Variants in ANKRD28 observed in about 807,000 individuals in gnomAD.
ANKRD28 encodes the protein ankyrin repeat domain 28.
A neutral mutation model predicts 126.5 loss-of-function variants in ANKRD28; 44 were observed. The observed-to-expected ratio is 0.35, with a 90% CI of 0.27 to 0.45. ANKRD28 has a LOEUF of 0.45. Ranked by LOEUF, ANKRD28 falls within the 20% of genes least tolerant of loss-of-function variation. The probability of loss-of-function intolerance (pLI) is 1.00; values close to 1 mark genes in which losing one functional copy is unlikely to be tolerated. For synonymous variants in ANKRD28, 442 were observed against 468.5 expected, an observed-to-expected ratio of 0.94 and a Z score of 0.73; for missense variants, 1,110 against 1,316.6, an observed-to-expected ratio of 0.84 and a Z score of 2.43.
At chr3:15,683,740 A>G (rs958038994) in intron 21 of ANKRD28, 1 of 152,188 alleles carries the variant, frequency 6.6e-6, no homozygotes, top group African/African-American at 2.4e-5. Flanking sequence ...TATCTCAGAA[A>G]TACTTGTGGA....
At chr3:15,743,772 C>G (rs1033869514) in intron 4 of ANKRD28, among the ~76,000 whole-genome samples, 1 of 152,186 alleles carries the variant, frequency 6.6e-6, no homozygotes, top group Non-Finnish European at 1.5e-5. Context: ...AACTATGTCA[C>G]TGAAGGAGAG....
intron 9 of ANKRD28, 102 bp from the exon 10 acceptor site, chr3:15,713,743 A>G (rs917334006): frequency 8.1e-6 from 5 of 613,796 alleles, no homozygotes; most frequent in Non-Finnish European, 1.4e-5. Flanking sequence ...ACAAACTAAT[A>G]GATACAGCAA....
At chr3:15,695,054 A>C in intron 16 of ANKRD28, 134 bp downstream of exon 16, 1 of 803,198 alleles carries the variant, frequency 1.2e-6, no homozygotes, top group Non-Finnish European at 2.1e-6. Flanking sequence ...CTCTGTACAC[A>C]TGATTTCTGT....
chr3:15,849,469 C>G (rs913829309), intron 1 of ANKRD28, among the ~76,000 whole-genome samples: 1 of 152,144 alleles, frequency 6.6e-6, no homozygotes, highest in African/African-American at 2.4e-5. Flanking sequence ...GAGTTGAAAA[C>G]ATTAGAGAAA....
rs114713289 is a variant in ANKRD28 at position 15,809,526 on chromosome 3, C to T, written c.28-14220G>A. Among the ~76,000 whole-genome samples the T allele has an allele frequency of 5.9e-3, 895 of 152,272 alleles. 6 individuals carry two copies. Among genetic ancestry groups the T allele is most frequent in the African/African-American group, 0.02 (850 of 41,560 alleles). On this transcript the variant is annotated intron_variant, in intron 1 of 27. Transcript: ENST00000399451. ...TCAGGACTTCACTTTCCTGCCAAGG[C>T]TATCAGAGAAAAATACTCTCTTTTC...
At chr3:15,775,172 C>T (rs894735045) in intron 2 of ANKRD28, among the ~76,000 whole-genome samples, 15 of 152,310 alleles carry the variant, frequency 9.8e-5, no homozygotes, top group African/African-American at 1.4e-4. Context: ...CCACTGTGCC[C>T]GGCCCAGGAG....
Position 15,795,410 on chromosome 3 carries a change from T to C in ANKRD28, c.118-104A>G, listed in dbSNP as rs956453794. 3 of 722,012 alleles carry C rather than the reference T, an allele frequency of 4.2e-6. No individual in the cohort carries two copies. The African/African-American group carries it at 5.4e-5, about 13-fold the overall frequency. The allele number at this position is 722,012 out of a possible 1,614,324, so 44.7% of individuals were successfully genotyped here. On this transcript the variant is annotated intron_variant, in intron 1 of 27. Coordinates refer to ENST00000683139, the MANE Select transcript of ANKRD28 (RefSeq NM_001349278.2). The stretch of plus-strand genomic sequence containing the variant: ...CTACAAGTTTTCTTCCCTGTAGCAA[T>C]AATCACTTTTGACATTAGCCAGAAG...
At position 15,854,462 on chromosome 3, in the gene ANKRD28, G is replaced by A. The variant is rs2061718857; in HGVS notation, c.27+4915C>T. On this transcript the variant is annotated intron_variant, in intron 1 of 27. Coordinates refer to the ANKRD28 transcript ENST00000399451. This position sits in a 1 kb window ranked among gnomAD's most constrained non-coding sequence, Gnocchi z 4.1. ...CCCTCCACTTACAATCAGATTATCT[G>A]ATCCTTTAAATTCTGAAACATGTTA... Among the ~76,000 whole-genome samples the A allele has an allele frequency of 6.6e-6, 1 of 152,126 alleles. No homozygotes were observed. Among genetic ancestry groups the A allele is most frequent in the African/African-American group, 2.4e-5 (1 of 41,412 alleles).
chr3:15,858,355 G>C (rs1171419552), intron 1 of ANKRD28, among the ~76,000 whole-genome samples: 6 of 152,180 alleles, frequency 3.9e-5, no homozygotes, highest in African/African-American at 1.4e-4. Context: ...CAAGGTCTGC[G>C]ATCAGCCTAA....
At chr3:15,859,272 G>T in intron 1 of ANKRD28, 1 of 1,463,562 alleles carries the variant, frequency 6.8e-7, no homozygotes, top group Non-Finnish European at 9.0e-7. Flanking sequence ...CGTTTCCCTC[G>T]CAACCACCCC....
intron 3 of ANKRD28, among the ~76,000 whole-genome samples, chr3:15,752,049 A>G (rs2409550): frequency 0.019 from 2,866 of 152,254 alleles, 204 homozygotes; most frequent in Admixed American, 0.11. Flanking sequence ...TTAAAACAAA[A>G]TAAACATCAT....
chr3:15,742,276 C>T (rs1311525442), intron 4 of ANKRD28, among the ~76,000 whole-genome samples: 12 of 151,406 alleles, frequency 7.9e-5, no homozygotes, highest in Admixed American at 2.0e-4. Flanking sequence ...GGCCGCCATC[C>T]CATCTAGGAA....
chr3:15,706,732 C>T (rs2071486569), intron 14 of ANKRD28, among the ~76,000 whole-genome samples: 2 of 152,172 alleles, frequency 1.3e-5, no homozygotes, highest in Admixed American at 6.5e-5. Flanking sequence ...CCTATTTCTC[C>T]ACATCCTCTC....
chr3:15,803,460 T>C (rs1302928363), intron 1 of ANKRD28, among the ~76,000 whole-genome samples: 1 of 151,704 alleles, frequency 6.6e-6, no homozygotes, highest in East Asian at 1.9e-4. Flanking sequence ...CTATTAAAAA[T>C]ACAAAAATTA....
intron 1 of ANKRD28, among the ~76,000 whole-genome samples, chr3:15,851,876 T>C (rs1205916146): frequency 6.6e-6 from 1 of 152,164 alleles, no homozygotes; most frequent in African/African-American, 2.4e-5. Context: ...TAAACACAAA[T>C]GTCCATGAAC....
chr3:15,743,433 T>A (rs1656317816), intron 4 of ANKRD28, among the ~76,000 whole-genome samples: 1 of 151,780 alleles, frequency 6.6e-6, no homozygotes, highest in South Asian at 2.1e-4. Context: ...CCACACAATA[T>A]CTCATGTGAT....
Position 15,815,633 on chromosome 3 carries a change from T to C in ANKRD28, c.28-20327A>G, listed in dbSNP as rs114310403. 3.0e-3 allele frequency among the ~76,000 whole-genome samples: 460 copies of C among 152,298 alleles called. 1 individual carries two copies. Among genetic ancestry groups the C allele is most frequent in the African/African-American group, 0.011 (443 of 41,564 alleles). ...ATTGTTCTGAAAGAATCGTCATCAA[T>C]GCTATGACAAAGAATCATCTTTGTT... On this transcript the variant is annotated intron_variant, in intron 1 of 27. Coordinates refer to the ANKRD28 transcript ENST00000399451. This position sits in a 1 kb window ranked among gnomAD's most constrained non-coding sequence, Gnocchi z 4.1.
At chr3:15,842,635 A>G (rs1445633290) in intron 1 of ANKRD28, among the ~76,000 whole-genome samples, 1 of 152,212 alleles carries the variant, frequency 6.6e-6, no homozygotes, top group African/African-American at 2.4e-5. Context: ...TGGATACCCC[A>G]TTTACCCAGA....
intron 1 of ANKRD28, among the ~76,000 whole-genome samples, chr3:15,849,557 A>AGGG (rs1324810651): frequency 6.6e-6 from 1 of 152,192 alleles, no homozygotes. Flanking sequence ...TTCCTCTAGG[A>AGGG]GGGGTACCCT....
Sources: gnomAD v4.1 joint callset for allele counts (sites outside exome capture counted in the v4.1 genomes callset) on GRCh38, gnomAD v4.1.1 for gene constraint, Gnocchi (gnomAD v3.1) non-coding constraint, MANE v1.5 for transcripts, NCBI Gene and HGNC (gene_info 2026-07-23, HGNC 2026-07-21) for gene names.